Variants in DDX19A observed in about 807,000 individuals in gnomAD.
The protein encoded by DDX19A is DEAD-box helicase 19A, also known as ATP-dependent RNA helicase DDX19A.
Under a neutral mutation model 60.6 loss-of-function variants are expected in DDX19A, and 12 were observed. The observed-to-expected ratio is 0.20, with a 90% CI of 0.13 to 0.32. DDX19A has a LOEUF of 0.32. DDX19A is among the 10% of genes least tolerant of loss of function. The probability of loss-of-function intolerance (pLI) is 1.00; values close to 1 mark genes in which losing one functional copy is unlikely to be tolerated. For missense variants in DDX19A, 337 were observed against 600.6 expected (o/e 0.56, Z 4.59); for synonymous variants, 206 against 218.2 (o/e 0.94, Z 0.49).
At chr16:70,370,202 C>T (rs1262853405) in intron 9 of DDX19A, 21 bp from the exon 10 acceptor site, 8 of 1,604,632 alleles carry the variant, frequency 5.0e-6, no homozygotes, top group Non-Finnish European at 6.8e-6. Flanking sequence ...TTTCATTTCT[C>T]AATTGTTTTT....
chr16:70,371,052 T>A, intron 10 of DDX19A: 1 of 479,258 alleles, frequency 2.1e-6, no homozygotes, highest in East Asian at 3.9e-5. Flanking sequence ...TAGTCCTGAC[T>A]TGGTGGAAGG....
rs890494276 is a variant in DDX19A, at chr16:70,370,770, C to T, written c.1183+385C>T. The T allele has an allele frequency of 8.6e-5, 16 of 185,878 alleles. 1 individual carries two copies. The highest frequency in any genetic ancestry group is 2.1e-4 in the Admixed American group (4 of 18,740). The allele number at this position is 185,878 out of a possible 1,614,324, so 11.5% of individuals were successfully genotyped here. A position where few individuals can be genotyped will look rare whatever the true frequency, so the allele number is the denominator to read the frequency against. ...CAGCACTTTGGGAGGCCGAGGTGGG[C>T]GAATCACCTGAGGTCAGGAATTCGA... On this transcript the variant is annotated intron_variant, in intron 10 of 11. Coordinates refer to ENST00000302243, the MANE Select transcript of DDX19A (RefSeq NM_018332.5).
At chr16:70,366,945 G>A in intron 9 of DDX19A, 84 bp downstream of exon 9, 2 of 1,519,154 alleles carry the variant, frequency 1.3e-6, no homozygotes, top group South Asian at 1.2e-5. Flanking sequence ...ATGCCCCTGA[G>A]CGCCATGGAA....
At chr16:70,356,765 T>G (rs1055959395) in intron 4 of DDX19A, 5 of 654,090 alleles carry the variant, frequency 7.6e-6, no homozygotes, top group Admixed American at 7.5e-5. Flanking sequence ...TCCTTGGCTA[T>G]CCTGTTCTCT....
chr16:70,356,362 C>A, intron 4 of DDX19A, 115 bp downstream of exon 4: 2 of 1,301,066 alleles, frequency 1.5e-6, no homozygotes, highest in Non-Finnish European at 2.1e-6. Flanking sequence ...GTATTTTTTC[C>A]TTTTTTTTTT....
rs144575816 is a variant in DDX19A, at chr16:70,348,585, C to T, written c.57+1537C>T. 4.6e-4 allele frequency among the ~76,000 whole-genome samples: 69 copies of T among 149,706 alleles called. No individual in the cohort carries two copies. In the Middle Eastern group the frequency reaches 0.01, roughly 22 times the overall value. On this transcript the variant is annotated intron_variant, in intron 1 of 11. Transcript: ENST00000302243. ...GAGGTTGCAGTGAGCCAAAATTACG[C>T]CACTGCACTCCAGCCTGGGCTACTG...
rs188666469 is a variant in DDX19A, at chr16:70,369,830, C to T, written c.1021-393C>T. Among the ~76,000 whole-genome samples the T allele has an allele frequency of 4.2e-3, 633 of 151,900 alleles. 7 individuals carry two copies. The highest frequency in any genetic ancestry group is 6.6e-3 in the Non-Finnish European group (448 of 67,934). On this transcript the variant is annotated intron_variant, in intron 9 of 11. Transcript: ENST00000302243. ...TTGGCCATGTTCCCCAGGCTGGTCT[C>T]GAACTCCTGAGTTCAAGCGATCCAC...
At chr16:70,366,548 C>T in intron 8 of DDX19A, 76 bp from the exon 9 acceptor site, 1 of 1,588,476 alleles carries the variant, frequency 6.3e-7, no homozygotes, top group Non-Finnish European at 8.6e-7. Flanking sequence ...CATCTAGACC[C>T]TCCCAGCTGG....
chr16:70,371,092 C>T (rs1023724399), intron 10 of DDX19A: 15 of 575,304 alleles, frequency 2.6e-5, no homozygotes, highest in East Asian at 1.8e-4. Flanking sequence ...TGGTAGAGAA[C>T]GGAGCCTACT....
chr16:70,360,415 G>C (rs1964333469), intron 4 of DDX19A, among the ~76,000 whole-genome samples: 2 of 146,206 alleles, frequency 1.4e-5, no homozygotes, highest in African/African-American at 2.6e-5. Flanking sequence ...CTAACTCTTA[G>C]CCTCAGGCAA....
In DDX19A at chr16:70,372,124, T is replaced by A; in HGVS notation, c.*138T>A. 1 of 1,402,164 alleles carries A rather than the reference T, an allele frequency of 7.1e-7. No homozygotes were observed. The highest frequency in any genetic ancestry group is 9.8e-7 in the Non-Finnish European group (1 of 1,015,836). The allele number at this position is 1,402,164 out of a possible 1,614,324, so 86.9% of individuals were successfully genotyped here. A position where few individuals can be genotyped will look rare whatever the true frequency, so the allele number is the denominator to read the frequency against. On this transcript the variant is annotated 3_prime_UTR_variant, in exon 12 of 12. Transcript: ENST00000302243. ...AAACTACCTACCTCACTTCAAATTA[T>A]GTTTGGACTTGACAAAAATAGGTGC...
chr16:70,355,589 T>C (rs1964161752), intron 3 of DDX19A, 54 bp downstream of exon 3: 1 of 1,466,640 alleles, frequency 6.8e-7, no homozygotes. Context: ...GGGCTTGCCT[T>C]CCTGGAGCCA....
At chr16:70,366,532 C>T in intron 8 of DDX19A, 92 bp from the exon 9 acceptor site, 2 of 1,542,532 alleles carry the variant, frequency 1.3e-6, no homozygotes, top group Non-Finnish European at 1.8e-6. Flanking sequence ...CATCAGCCTT[C>T]CTGGGCATCT....
At chr16:70,354,702 G>T (rs1964129529) in intron 2 of DDX19A, among the ~76,000 whole-genome samples, 1 of 152,138 alleles carries the variant, frequency 6.6e-6, no homozygotes. Flanking sequence ...TAGTGCTTTG[G>T]GAGGCCAAGG....
rs185127733 is a variant in DDX19A, at chr16:70,350,944, C to T, written c.106+339C>T. Among the ~76,000 whole-genome samples the T allele has an allele frequency of 6.5e-4, 98 of 151,712 alleles. 4 individuals are homozygous for T. In the East Asian group the frequency reaches 0.017, roughly 26 times the overall value. On this transcript the variant is annotated intron_variant, in intron 2 of 11. Transcript: ENST00000302243. The stretch of plus-strand genomic sequence containing the variant: ...CCAGGCTGGAGTGCAGTGGCACAAT[C>T]TTGGCTCACTGCAAGCTCTGCCTCC...
At position 70,370,214 on chromosome 16, in the gene DDX19A, T is replaced by C; in HGVS notation, c.1021-9T>C. On this transcript the variant is annotated splice_polypyrimidine_tract_variant and intron_variant, in intron 9 of 11. Coordinates refer to ENST00000302243, the MANE Select transcript of DDX19A (RefSeq NM_018332.5). Reference sequence around the variant, plus strand: ...TACTTTCATTTCTCAATTGTTTTTTTTCTTCCAGACTCGCAAAACAGCTAG... The same window carrying C: ...TACTTTCATTTCTCAATTGTTTTTTCTCTTCCAGACTCGCAAAACAGCTAG... 5 of 1,601,348 alleles carry C rather than the reference T, an allele frequency of 3.1e-6. No individual in the cohort carries two copies. The highest frequency in any genetic ancestry group is 4.2e-6 in the Non-Finnish European group (5 of 1,176,836).
Position 70,371,405 on chromosome 16 carries a change from A to G in DDX19A, c.1217A>G (p.Asn406Ser). The G allele has an allele frequency of 6.2e-7, 1 of 1,613,472 alleles. No individual in the cohort carries two copies. Among genetic ancestry groups the G allele is most frequent in the Non-Finnish European group, 8.5e-7 (1 of 1,179,808 alleles). ...GTTGAACAAGTGTCTGTCGTCATCA[A>G]CTTTGATCTTCCCGTGGACAAGGAC... Reference protein sequence around the residue: ...IDVEQVSVVINFDLPVDKDGN... With the variant: ...IDVEQVSVVISFDLPVDKDGN... The change falls in exon 11 of 12, where the codon AAC (asparagine) becomes AGC (serine). Residue 406 changes from asparagine to serine, a missense_variant. This residue lies in a region of DDX19A where 117 missense variants were observed against 274.3 expected (regional missense o/e 0.43). Coordinates refer to ENST00000302243, the MANE Select transcript of DDX19A (RefSeq NM_018332.5).
intron 1 of DDX19A, among the ~76,000 whole-genome samples, chr16:70,350,203 T>C (rs142910862): frequency 6.6e-6 from 1 of 152,110 alleles, no homozygotes; most frequent in African/African-American, 2.4e-5. Context: ...CAGTGAGCCA[T>C]GATCGTGCTG....
chr16:70,368,202 A>T (rs1414431122), intron 9 of DDX19A, among the ~76,000 whole-genome samples: 1 of 152,168 alleles, frequency 6.6e-6, no homozygotes, highest in African/African-American at 2.4e-5. Context: ...CAATGCAATG[A>T]TACAGTGATA....
Sources: gnomAD v4.1 joint callset for allele counts (sites outside exome capture counted in the v4.1 genomes callset) on GRCh38, gnomAD v4.1.1 for gene constraint, gnomAD v4.1.1 regional missense constraint, MANE v1.5 for transcripts, NCBI Gene and HGNC (gene_info 2026-07-23, HGNC 2026-07-21) for gene names.